PTPRE: variants seen among roughly 807,000 people sequenced by gnomAD.
The protein encoded by PTPRE is receptor-type tyrosine-protein phosphatase epsilon.
PTPRE carries 51 observed loss-of-function variants against 102.0 expected under a neutral mutation model. The observed-to-expected ratio is 0.50, with a 90% CI of 0.40 to 0.63. The LOEUF (loss-of-function observed/expected upper bound fraction) is 0.63. PTPRE is among the 30% of genes least tolerant of loss of function. The probability of loss-of-function intolerance (pLI) is 0.00; values close to 1 mark genes in which losing one functional copy is unlikely to be tolerated. For missense variants in PTPRE, 752 were observed against 915.1 expected (o/e 0.82, Z 2.30); for synonymous variants, 345 against 348.2 (o/e 0.99, Z 0.10).
At chr10:127,962,533 G>GCCC (rs1849904322) in intron 1 of PTPRE, among the ~76,000 whole-genome samples, 1 of 152,204 alleles carries the variant, frequency 6.6e-6, no homozygotes, top group Non-Finnish European at 1.5e-5. Flanking sequence ...TCGATGGAGT[G>GCCC]TGCCCTGGTG....
At chr10:127,971,987 AC>A (rs1408007927) in intron 1 of PTPRE, among the ~76,000 whole-genome samples, 1 of 152,178 alleles carries the variant, frequency 6.6e-6, no homozygotes, top group African/African-American at 2.4e-5. Flanking sequence ...CCCAGCAGAA[AC>A]TTTTCTTCAA....
Position 128,079,695 on chromosome 10 carries a change from G to GGT in PTPRE, c.2028+1_2028+2dup. 1.2e-6 allele frequency: 2 copies of GGT among 1,610,872 alleles called. No individual in the cohort carries two copies. Among genetic ancestry groups the GGT allele is most frequent in the Non-Finnish European group, 1.7e-6 (2 of 1,177,546 alleles). On this transcript the variant is annotated frameshift_variant and splice_region_variant. Transcript: ENST00000254667. LOFTEE classifies it high-confidence loss of function. ...AGAGACCACATATGGTGCAAACCCTGGTAAGAATCTGAATAAGGATGTTAC... is the reference window on the plus strand; with the variant it reads ...AGAGACCACATATGGTGCAAACCCTGGTGTAAGAATCTGAATAAGGATGTTAC...
intron 1 of PTPRE, among the ~76,000 whole-genome samples, chr10:127,946,398 G>A (rs1848625483): frequency 6.8e-6 from 1 of 148,030 alleles, no homozygotes; most frequent in South Asian, 2.2e-4. Flanking sequence ...TATATACAAG[G>A]ATGTTTATTG....
intron 2 of PTPRE, among the ~76,000 whole-genome samples, chr10:128,037,817 A>C (rs1847339605): frequency 6.6e-6 from 1 of 152,140 alleles, no homozygotes; most frequent in African/African-American, 2.4e-5. Flanking sequence ...TTTTTATATG[A>C]GTCTCGCTCT....
chr10:128,054,526 C>T (rs371072063), intron 6 of PTPRE, among the ~76,000 whole-genome samples: 29 of 152,174 alleles, frequency 1.9e-4, no homozygotes, highest in East Asian at 1.2e-3. Context: ...CAAGAACCAC[C>T]TATCACCCTT....
intron 1 of PTPRE, among the ~76,000 whole-genome samples, chr10:127,908,536 G>C (rs890355899): frequency 3.9e-5 from 6 of 152,194 alleles, no homozygotes; most frequent in South Asian, 4.1e-4. Flanking sequence ...GCAAGCGTCT[G>C]ACCACCACGG....
chr10:128,039,850 T>G (rs1847526914), intron 2 of PTPRE, among the ~76,000 whole-genome samples: 1 of 152,136 alleles, frequency 6.6e-6, no homozygotes, highest in Non-Finnish European at 1.5e-5. Flanking sequence ...ATTCAGCAGG[T>G]GCCACTGCCC....
chr10:128,003,541 T>A (rs2135567240), intron 2 of PTPRE, among the ~76,000 whole-genome samples: 1 of 152,304 alleles, frequency 6.6e-6, no homozygotes, highest in Non-Finnish European at 1.5e-5. Context: ...CATAATAATA[T>A]CCATAAACAG....
intron 1 of PTPRE, among the ~76,000 whole-genome samples, chr10:127,918,614 G>A (rs1846381017): frequency 6.6e-6 from 1 of 151,970 alleles, no homozygotes; most frequent in Admixed American, 6.6e-5. Context: ...ATTATTGAAG[G>A]AGCTTGGGGA....
At chr10:127,983,045 G>A (rs777803894) in intron 2 of PTPRE, among the ~76,000 whole-genome samples, 2 of 152,214 alleles carry the variant, frequency 1.3e-5, no homozygotes, top group Non-Finnish European at 2.9e-5. Context: ...TCACCAGGAA[G>A]CTGTATTTCC....
At chr10:128,082,352 T>C (rs1371601261) in intron 20 of PTPRE, among the ~76,000 whole-genome samples, 1 of 151,472 alleles carries the variant, frequency 6.6e-6, no homozygotes, top group Non-Finnish European at 1.5e-5. Context: ...GCTGGGACTA[T>C]GGGTGTGCAC....
intron 2 of PTPRE, among the ~76,000 whole-genome samples, chr10:128,012,971 T>A (rs1319394449): frequency 6.6e-6 from 1 of 152,174 alleles, no homozygotes; most frequent in Admixed American, 6.5e-5. Flanking sequence ...GTCAGTAAAA[T>A]CAGCATTTCT....
intron 1 of PTPRE, among the ~76,000 whole-genome samples, chr10:127,921,417 A>G (rs375347131): frequency 6.6e-6 from 1 of 152,064 alleles, no homozygotes; most frequent in South Asian, 2.1e-4. Context: ...GCTGCTGGGG[A>G]TGGGGTGGGA....
intron 3 of PTPRE, among the ~76,000 whole-genome samples, chr10:128,046,608 G>A (rs1848109688): frequency 5.3e-5 from 8 of 152,106 alleles, no homozygotes. Context: ...GAACATTTTG[G>A]TGATGAGGGG....
chr10:128,067,986 C>T lies in PTPRE; in HGVS notation c.844-137C>T, dbSNP rs1850420981. 11 of 963,688 alleles carry T rather than the reference C, an allele frequency of 1.1e-5. No homozygotes were observed. The South Asian group carries it at 1.6e-4, about 14-fold the overall frequency. 59.7% of individuals were successfully genotyped at this position (963,688 alleles called of 1,614,324 possible). Reference sequence around the variant, plus strand: ...TAAGGTCCAGGCTGTCTGGCTCAGGCAGGCCCTCTGTGGATGGGCCCCTCC... The same window carrying T: ...TAAGGTCCAGGCTGTCTGGCTCAGGTAGGCCCTCTGTGGATGGGCCCCTCC... On this transcript the variant is annotated intron_variant, in intron 11 of 20. Coordinates refer to ENST00000254667, the MANE Select transcript of PTPRE (RefSeq NM_006504.6).
intron 1 of PTPRE, among the ~76,000 whole-genome samples, chr10:127,938,346 G>GA (rs999892800): frequency 6.6e-6 from 1 of 152,050 alleles, no homozygotes; most frequent in African/African-American, 2.4e-5. Flanking sequence ...TCAACAATTA[G>GA]AAAAAAAGTT....
intron 7 of PTPRE, among the ~76,000 whole-genome samples, chr10:128,057,549 C>A (rs1215346037): frequency 6.6e-6 from 1 of 152,194 alleles, no homozygotes; most frequent in Non-Finnish European, 1.5e-5. Flanking sequence ...GATCTGTGGT[C>A]TGTCCAAACT....
chr10:127,967,128 G>A (rs1207928919), intron 1 of PTPRE, among the ~76,000 whole-genome samples: 2 of 152,074 alleles, frequency 1.3e-5, no homozygotes, highest in Admixed American at 6.5e-5. Context: ...GACTGCTAAG[G>A]GCAGATGACA....
intron 18 of PTPRE, among the ~76,000 whole-genome samples, chr10:128,077,349 G>C (rs1851291550): frequency 6.6e-6 from 1 of 152,230 alleles, no homozygotes; most frequent in Admixed American, 6.5e-5. Flanking sequence ...GGATCCCGTA[G>C]GGGTTGGGCA....
Sources: gnomAD v4.1 joint callset for allele counts (sites outside exome capture counted in the v4.1 genomes callset) on GRCh38, gnomAD v4.1.1 for gene constraint, MANE v1.5 for transcripts, NCBI Gene and HGNC (gene_info 2026-07-23, HGNC 2026-07-21) for gene names.